RPTOR: variants seen among roughly 807,000 people sequenced by gnomAD.
RPTOR encodes regulatory associated protein of MTOR complex 1, also known as regulatory-associated protein of mTOR.
In RPTOR, 21 loss-of-function variants were observed where a neutral mutation model predicts 169.9. The ratio of observed to expected loss-of-function variants is 0.12; its 90% CI spans 0.09 to 0.18. The LOEUF (loss-of-function observed/expected upper bound fraction) is 0.18, where lower values mean the gene tolerates loss of function less well. Ranked by LOEUF, RPTOR falls within the 10% of genes least tolerant of loss-of-function variation. The probability of loss-of-function intolerance (pLI) is 1.00; values close to 1 mark genes in which losing one functional copy is unlikely to be tolerated. For synonymous variants in RPTOR, 732 were observed against 753.2 expected, an observed-to-expected ratio of 0.97 and a Z score of 0.46; for missense variants, 1,133 against 1,855.9, an observed-to-expected ratio of 0.61 and a Z score of 7.16.
chr17:80,566,216 A>G (rs2084588411), intron 1 of RPTOR, among the ~76,000 whole-genome samples: 1 of 152,140 alleles, frequency 6.6e-6, no homozygotes, highest in Admixed American at 6.6e-5. Context: ...ATATTGAGAA[A>G]TTCCCTGGGA....
chr17:80,601,202 G>A lies in RPTOR; in HGVS notation c.163-24489G>A, dbSNP rs111541511. 7.1e-3 allele frequency among the ~76,000 whole-genome samples: 399 copies of A among 55,982 alleles called. 1 individual carries two copies. Among genetic ancestry groups the A allele is most frequent in the African/African-American group, 0.035 (385 of 10,934 alleles). The allele number at this position is 55,982 out of a possible 152,430, so 36.7% of individuals were successfully genotyped here. ...ATGTGTGAGTGGTGAAGCTTCTGGT[G>A]GTGCCAGTGCCAGCCACTGAGCCAT... On this transcript the variant is annotated intron_variant, in intron 1 of 33. Transcript: ENST00000306801.
chr17:80,787,440 G>A (rs2067004765), intron 6 of RPTOR, among the ~76,000 whole-genome samples: 2 of 152,118 alleles, frequency 1.3e-5, no homozygotes, highest in South Asian at 4.1e-4. Flanking sequence ...TTGCTTTGGT[G>A]TATTGTATTT....
At chr17:80,643,031 GAAGA>G (rs2065565536) in intron 2 of RPTOR, among the ~76,000 whole-genome samples, 1 of 152,134 alleles carries the variant, frequency 6.6e-6, no homozygotes, top group Non-Finnish European at 1.5e-5. Flanking sequence ...TAAAATGAAT[GAAGA>G]AAAATATTTA....
At chr17:80,882,578 G>A (rs2068197885) in intron 14 of RPTOR, among the ~76,000 whole-genome samples, 2 of 152,176 alleles carry the variant, frequency 1.3e-5, no homozygotes, top group African/African-American at 4.8e-5. Context: ...TGGGGGTGTA[G>A]TAAGCAGCGT....
chr17:80,684,447 T>G (rs2065921162), intron 3 of RPTOR, among the ~76,000 whole-genome samples: 1 of 134,782 alleles, frequency 7.4e-6, no homozygotes, highest in Admixed American at 7.5e-5. Flanking sequence ...TTTATTTATT[T>G]ATTTAATTTT....
chr17:80,900,003 C>G (rs2143903197), intron 20 of RPTOR, among the ~76,000 whole-genome samples: 1 of 152,232 alleles, frequency 6.6e-6, no homozygotes, highest in South Asian at 2.1e-4. Flanking sequence ...TGCTGGGGCA[C>G]AAAAGTACAG....
chr17:80,583,602 C>T (rs919094217), intron 1 of RPTOR, among the ~76,000 whole-genome samples: 6 of 152,152 alleles, frequency 3.9e-5, no homozygotes, highest in South Asian at 2.1e-4. Context: ...CCTATGCTCC[C>T]GGGAGCCGTC....
At chr17:80,611,483 T>C (rs182583643) in intron 1 of RPTOR, among the ~76,000 whole-genome samples, 1 of 152,244 alleles carries the variant, frequency 6.6e-6, no homozygotes, top group Admixed American at 6.5e-5. Flanking sequence ...GCCAGGCTGG[T>C]CTTGAACTCC....
chr17:80,649,581 T>C (rs1018989741), intron 3 of RPTOR, among the ~76,000 whole-genome samples: 19 of 152,178 alleles, frequency 1.2e-4, no homozygotes, highest in African/African-American at 4.3e-4. Flanking sequence ...CAGTACCTGG[T>C]GTGAAGCACT....
chr17:80,938,184 C>A (rs1361752726), intron 24 of RPTOR, among the ~76,000 whole-genome samples: 3 of 152,264 alleles, frequency 2.0e-5, no homozygotes, highest in Non-Finnish European at 4.4e-5. Flanking sequence ...TGTGCCCCTC[C>A]CTGTTCTGGC....
Position 80,721,037 on chromosome 17 carries a change from C to T in RPTOR, c.508-9523C>T, listed in dbSNP as rs976319916. Among the ~76,000 whole-genome samples the T allele has an allele frequency of 1.3e-4, 20 of 151,008 alleles. No homozygotes were observed. The highest frequency in any genetic ancestry group is 1.3e-4 in the Admixed American group (2 of 15,238). On this transcript the variant is annotated intron_variant, in intron 4 of 33. Transcript: ENST00000306801. The surrounding 1 kb of genome is among the most constrained non-coding windows in gnomAD (Gnocchi z 4.7). ...TAGCCGTCTAGGGCAGAAACAGTCC[C>T]GGGTAAACACCAAGGCCTCGTGGGA...
At chr17:80,665,428 C>A (rs1362436254) in intron 3 of RPTOR, among the ~76,000 whole-genome samples, 12 of 13,798 alleles carry the variant, frequency 8.7e-4, no homozygotes, top group African/African-American at 3.6e-3. Flanking sequence ...CTTTCCTTTC[C>A]TTTCCTTTCC....
intron 3 of RPTOR, among the ~76,000 whole-genome samples, chr17:80,650,857 T>G (rs2065633794): frequency 6.6e-6 from 1 of 152,330 alleles, no homozygotes; most frequent in South Asian, 2.1e-4. Context: ...CTTGCGGGGA[T>G]AACTGCATTC....
intron 29 of RPTOR, among the ~76,000 whole-genome samples, chr17:80,958,439 C>G (rs913809745): frequency 2.8e-5 from 3 of 105,540 alleles, no homozygotes; most frequent in African/African-American, 1.2e-4. Context: ...GAGACAGAGT[C>G]TTGCCTTGTC....
rs185188472 is a variant in RPTOR at position 80,585,706 on chromosome 17, T to G, written c.162+39915T>G. On this transcript the variant is annotated intron_variant, in intron 1 of 33. Coordinates refer to ENST00000306801, the MANE Select transcript of RPTOR (RefSeq NM_020761.3). ...GCACAGTGCTGCTTCTCAAAGTGAA[T>G]TCTACTTGGAGCCACTTATATATAG... 2.6e-5 allele frequency among the ~76,000 whole-genome samples: 4 copies of G among 152,310 alleles called. No homozygotes were observed. In the East Asian group the frequency reaches 5.8e-4, roughly 22 times the overall value.
intron 3 of RPTOR, among the ~76,000 whole-genome samples, chr17:80,650,523 G>T (rs1027062784): frequency 6.6e-6 from 1 of 152,238 alleles, no homozygotes; most frequent in South Asian, 2.1e-4. Context: ...GGTGGGGAGA[G>T]CTTAACTGTG....
intron 2 of RPTOR, among the ~76,000 whole-genome samples, chr17:80,637,467 T>A (rs1392311923): frequency 6.6e-6 from 1 of 152,228 alleles, no homozygotes; most frequent in African/African-American, 2.4e-5. Flanking sequence ...CTCTGGATAA[T>A]AAGTTGCTGT....
intron 5 of RPTOR, among the ~76,000 whole-genome samples, chr17:80,737,809 G>GCCCCCCCCCCCCCCCCCCCCCCCCC (rs71163994): frequency 7.5e-6 from 1 of 133,012 alleles, no homozygotes; most frequent in African/African-American, 3.2e-5. Context: ...TTTCTCCCCC[G>GCCCCCCCCCCCCCCCCCCCCCCCCC]CCCCCCCGCC....
At chr17:80,963,462 C>T (rs2069375814) in intron 33 of RPTOR, among the ~76,000 whole-genome samples, 1 of 76,582 alleles carries the variant, frequency 1.3e-5, no homozygotes, top group Admixed American at 1.2e-4. Context: ...CGGCCCTCAC[C>T]CCGTCCCCTG....
Sources: gnomAD v4.1 joint callset for allele counts (sites outside exome capture counted in the v4.1 genomes callset) on GRCh38, gnomAD v4.1.1 for gene constraint, Gnocchi (gnomAD v3.1) non-coding constraint, MANE v1.5 for transcripts, NCBI Gene and HGNC (gene_info 2026-07-23, HGNC 2026-07-21) for gene names.